The following ANK3 variants were observed in gnomAD, a reference collection of about 807,000 sequenced individuals.
The protein encoded by ANK3 is ankyrin 3.
ANK3 carries 57 observed loss-of-function variants against 370.9 expected under a neutral mutation model. That is an observed-to-expected ratio of 0.15 (90% confidence interval 0.12 to 0.19). The LOEUF is 0.19. Among genes scored for constraint, ANK3 ranks in the 10% least tolerant of loss-of-function variants. The pLI is 1.00. For missense variants in ANK3, 4,439 were observed against 5,302.1 expected (o/e 0.84, Z 5.06); for synonymous variants, 1,929 against 1,946.3 (o/e 0.99, Z 0.23).
intron 2 of ANK3, among the ~76,000 whole-genome samples, chr10:60,414,774 G>C (rs1222880839): frequency 6.6e-6 from 1 of 152,196 alleles, no homozygotes; most frequent in Non-Finnish European, 1.5e-5. Context: ...GTTGGTGGCA[G>C]CTACCTTCAC....
intron 37 of ANK3, 37 bp downstream of exon 37, chr10:60,068,600 C>G (rs2131961815): frequency 6.5e-7 from 1 of 1,549,972 alleles, no homozygotes; most frequent in East Asian, 2.3e-5. Flanking sequence ...AGGATGTGAG[C>G]AGAGTGCTCG....
intron 2 of ANK3, among the ~76,000 whole-genome samples, chr10:60,502,346 T>C (rs544955219): frequency 2.0e-5 from 3 of 151,590 alleles, no homozygotes; most frequent in Non-Finnish European, 4.4e-5. Flanking sequence ...GAAAAAAGAG[T>C]ATGTGGAAGC....
At chr10:60,093,240 A>C (rs1434717457) in intron 28 of ANK3, among the ~76,000 whole-genome samples, 1 of 152,200 alleles carries the variant, frequency 6.6e-6, no homozygotes, top group Non-Finnish European at 1.5e-5. Context: ...GCTGCAACTG[A>C]GAAAGTTCTG....
At chr10:60,132,455 G>T (rs932102411) in intron 25 of ANK3, among the ~76,000 whole-genome samples, 6 of 148,636 alleles carry the variant, frequency 4.0e-5, no homozygotes, top group African/African-American at 1.5e-4. Context: ...TTCTCTTCTT[G>T]CCTGCCACCA....
rs115467299 is a variant in ANK3, at chr10:60,140,393, G to A, written c.2615-1306C>T. On this transcript the variant is annotated intron_variant, in intron 23 of 43. Coordinates refer to ENST00000280772, the MANE Select transcript of ANK3 (RefSeq NM_020987.5). ...TTCCACTAGGCTTGGATGATCAAATGTTTTCCTGATGTTTCCAGGAATTCC... is the reference window on the plus strand; with the variant it reads ...TTCCACTAGGCTTGGATGATCAAATATTTTCCTGATGTTTCCAGGAATTCC... The A allele has an allele frequency of 7.7e-4, 1,240 of 1,613,664 alleles. 13 individuals carry two copies. In the African/African-American group the frequency reaches 0.015, roughly 20 times the overall value.
intron 24 of ANK3, among the ~76,000 whole-genome samples, chr10:60,135,548 G>A: frequency 6.6e-6 from 1 of 152,208 alleles, no homozygotes; most frequent in East Asian, 1.9e-4. Flanking sequence ...ATCATGAGAA[G>A]CTAGCACCTT....
intron 8 of ANK3, among the ~76,000 whole-genome samples, chr10:60,216,496 G>A (rs2096939258): frequency 6.6e-6 from 1 of 152,064 alleles, no homozygotes; most frequent in South Asian, 2.1e-4. Flanking sequence ...TTTTATCAAG[G>A]GCTTTTTCTG....
intron 18 of ANK3, among the ~76,000 whole-genome samples, chr10:60,174,740 GTTTA>G (rs990504824): frequency 2.0e-5 from 3 of 152,206 alleles, no homozygotes; most frequent in East Asian, 1.9e-4. Context: ...AGACAGGGTT[GTTTA>G]TTTATTTATT....
chr10:60,082,242 C>T, intron 34 of ANK3, 66 bp from the exon 35 acceptor site: 1 of 1,406,674 alleles, frequency 7.1e-7, no homozygotes, highest in Non-Finnish European at 1.0e-6. Flanking sequence ...AAAAGAATAT[C>T]AGGATATGAA....
In ANK3 at chr10:60,426,393, T is replaced by G. The variant is rs141663592; in HGVS notation, c.97-146754A>C. The stretch of plus-strand genomic sequence containing the variant: ...CTGTCTTCTATAATTTAATAACCTA[T>G]ACAAAGCCTCCTGTGTTTCTTTCTC... On this transcript the variant is annotated intron_variant, in intron 2 of 43. Coordinates refer to the ANK3 transcript ENST00000373827. 6.5e-4 allele frequency among the ~76,000 whole-genome samples: 99 copies of G among 152,298 alleles called. 1 individual carries two copies. In the East Asian group the frequency reaches 0.018, roughly 27 times the overall value.
chr10:60,054,143 T>A (rs1050222241), intron 42 of ANK3, among the ~76,000 whole-genome samples: 1 of 152,246 alleles, frequency 6.6e-6, no homozygotes, highest in Non-Finnish European at 1.5e-5. Context: ...GGTGTTTATA[T>A]GTGTTTGTAT....
chr10:60,175,397 T>C (rs1004682249), intron 18 of ANK3, among the ~76,000 whole-genome samples: 27 of 152,224 alleles, frequency 1.8e-4, no homozygotes, highest in Non-Finnish European at 7.3e-5. Context: ...GAGCAATTCT[T>C]TCCAATCAGC....
intron 1 of ANK3, among the ~76,000 whole-genome samples, chr10:60,342,794 T>C (rs2054558591): frequency 6.6e-6 from 1 of 152,116 alleles, no homozygotes; most frequent in African/African-American, 2.4e-5. Context: ...AAATATTTTC[T>C]ACATAAGATG....
rs187909087 is a variant in ANK3, at chr10:60,069,235, T to C, written c.11646A>G (p.Ser3882=). ...PKDTFPPNHM[S]NTKASKMKQV... is the part of the protein sequence containing the mutation. The stretch of plus-strand genomic sequence containing the variant: ...GCTTCATTTTACTTGCTTTAGTGTT[T>C]GACATATGGTTCGGTGGGAAGGTAT... Residue 3882 remains serine, a synonymous_variant, in exon 37 of 44, where the codon TCA becomes TCG. Coordinates refer to ENST00000280772, the MANE Select transcript of ANK3 (RefSeq NM_020987.5). 69 of 1,614,212 alleles carry C rather than the reference T, an allele frequency of 4.3e-5. No individual in the cohort carries two copies. In the East Asian group the frequency reaches 1.4e-3, roughly 32 times the overall value.
At chr10:60,731,698 A>C (rs1409497317) in intron 1 of ANK3, among the ~76,000 whole-genome samples, 6 of 152,252 alleles carry the variant, frequency 3.9e-5, no homozygotes, top group Non-Finnish European at 7.3e-5. Context: ...GTTTGAGCCC[A>C]GGTCAGCAGA....
chr10:60,270,903 A>G (rs1294246482), intron 4 of ANK3, among the ~76,000 whole-genome samples: 1 of 152,118 alleles, frequency 6.6e-6, no homozygotes, highest in Admixed American at 6.5e-5. Flanking sequence ...AGGTAGTTTA[A>G]TGTTCAGAAT....
intron 1 of ANK3, among the ~76,000 whole-genome samples, chr10:60,717,277 T>A (rs35597961): frequency 6.6e-6 from 1 of 151,806 alleles, no homozygotes; most frequent in East Asian, 1.9e-4. Context: ...AAATAAAGGG[T>A]GCATAAAACT....
intron 1 of ANK3, among the ~76,000 whole-genome samples, chr10:60,306,417 C>T (rs765629366): frequency 4.4e-5 from 6 of 135,654 alleles, no homozygotes; most frequent in South Asian, 2.7e-4. Flanking sequence ...TAGTATTCCA[C>T]GGTGTATGTG....
intron 2 of ANK3, among the ~76,000 whole-genome samples, chr10:60,556,880 C>T (rs2133241724): frequency 6.6e-6 from 1 of 152,280 alleles, no homozygotes; most frequent in South Asian, 2.1e-4. Context: ...ACTGCCTGAG[C>T]TCCACCTCCT....
Sources: gnomAD v4.1 joint callset for allele counts (sites outside exome capture counted in the v4.1 genomes callset) on GRCh38, gnomAD v4.1.1 for gene constraint, MANE v1.5 for transcripts, NCBI Gene and HGNC (gene_info 2026-07-23, HGNC 2026-07-21) for gene names.